The following PRKCE variants were observed in gnomAD, a reference collection of about 807,000 sequenced individuals.
The protein encoded by PRKCE is protein kinase C epsilon type.
PRKCE carries 16 observed loss-of-function variants against 85.4 expected under a neutral mutation model. The observed-to-expected ratio is 0.19, with a 90% CI of 0.13 to 0.28. The LOEUF is 0.28. Among genes scored for constraint, PRKCE ranks in the 10% least tolerant of loss-of-function variants. The pLI is 1.00. For missense variants in PRKCE, 573 were observed against 975.2 expected (o/e 0.59, Z 5.49); for synonymous variants, 388 against 371.5 (o/e 1.04, Z -0.51).
At chr2:45,750,908 G>A (rs571983782) in intron 1 of PRKCE, among the ~76,000 whole-genome samples, 2 of 152,286 alleles carry the variant, frequency 1.3e-5, no homozygotes, top group East Asian at 3.9e-4. Flanking sequence ...TACCCTTGCA[G>A]CCAGAATATT....
At chr2:45,989,166 C>T (rs1046031273) in intron 6 of PRKCE, among the ~76,000 whole-genome samples, 2 of 152,220 alleles carry the variant, frequency 1.3e-5, no homozygotes, top group African/African-American at 2.4e-5. Flanking sequence ...TTCTCATCCC[C>T]ATCTGGGGTG....
intron 11 of PRKCE, among the ~76,000 whole-genome samples, chr2:46,121,647 G>GTCAGGC (rs1673327310): frequency 6.6e-6 from 1 of 152,200 alleles, no homozygotes; most frequent in Non-Finnish European, 1.5e-5. Context: ...TGGGTTGATG[G>GTCAGGC]TCAGGCTCAC....
intron 2 of PRKCE, among the ~76,000 whole-genome samples, chr2:45,882,928 G>A (rs745350866): frequency 1.1e-4 from 16 of 152,242 alleles, no homozygotes; most frequent in African/African-American, 2.7e-4. Flanking sequence ...CCGCTGCTTC[G>A]GAAATGCAAA....
At chr2:45,688,140 A>G (rs894031877) in intron 1 of PRKCE, among the ~76,000 whole-genome samples, 1 of 152,228 alleles carries the variant, frequency 6.6e-6, no homozygotes, top group East Asian at 1.9e-4. Context: ...GACTCAGATA[A>G]TGATGCCACC....
chr2:45,740,506 C>G (rs915636938), intron 1 of PRKCE, among the ~76,000 whole-genome samples: 1 of 152,178 alleles, frequency 6.6e-6, no homozygotes, highest in Non-Finnish European at 1.5e-5. Flanking sequence ...TCCCCAACCA[C>G]CTGACACGTT....
At chr2:46,072,133 A>G (rs1483856469) in intron 10 of PRKCE, among the ~76,000 whole-genome samples, 2 of 152,246 alleles carry the variant, frequency 1.3e-5, no homozygotes, top group African/African-American at 2.4e-5. Flanking sequence ...AAAGAATTTA[A>G]TAATTTAAAA....
chr2:45,808,098 A>G (rs1486931256), intron 1 of PRKCE, among the ~76,000 whole-genome samples: 3 of 152,008 alleles, frequency 2.0e-5, no homozygotes, highest in African/African-American at 2.4e-5. Flanking sequence ...CTCTCTGACC[A>G]TCTGTAACCC....
chr2:45,960,464 G>T (rs533129111), intron 2 of PRKCE, among the ~76,000 whole-genome samples: 1 of 152,314 alleles, frequency 6.6e-6, no homozygotes, highest in Admixed American at 6.5e-5. Context: ...GGAGTGGTGT[G>T]GGGGGCAGAA....
chr2:45,756,124 A>T (rs1683983723), intron 1 of PRKCE, among the ~76,000 whole-genome samples: 1 of 152,206 alleles, frequency 6.6e-6, no homozygotes, highest in African/African-American at 2.4e-5. Context: ...AATTCTTAAA[A>T]CATGATGCTG....
chr2:45,831,676 A>C (rs1018189567), intron 1 of PRKCE, among the ~76,000 whole-genome samples: 1 of 152,202 alleles, frequency 6.6e-6, no homozygotes, highest in Non-Finnish European at 1.5e-5. Context: ...CTAAAATAAG[A>C]AATCAGGAAA....
At chr2:46,152,943 G>A (rs1676792138) in intron 13 of PRKCE, among the ~76,000 whole-genome samples, 1 of 152,072 alleles carries the variant, frequency 6.6e-6, no homozygotes, top group Admixed American at 6.5e-5. Context: ...CTCCACATCA[G>A]AACATGTTAC....
chr2:45,842,723 CT>C (rs997833437), intron 1 of PRKCE, among the ~76,000 whole-genome samples: 2 of 152,218 alleles, frequency 1.3e-5, no homozygotes, highest in African/African-American at 4.8e-5. Context: ...CACTCTCTCT[CT>C]CTCCAATCAT....
chr2:45,781,969 A>C (rs1031796193), intron 1 of PRKCE, among the ~76,000 whole-genome samples: 1 of 152,210 alleles, frequency 6.6e-6, no homozygotes, highest in African/African-American at 2.4e-5. Context: ...ATCCTTTCTC[A>C]GGACCAATAG....
intron 1 of PRKCE, among the ~76,000 whole-genome samples, chr2:45,668,265 T>C (rs1277449357): frequency 6.6e-6 from 1 of 152,160 alleles, no homozygotes; most frequent in Non-Finnish European, 1.5e-5. Context: ...CGCTTGAACC[T>C]GGGAGGTGGA....
At chr2:45,924,042 G>C (rs1177532866) in intron 2 of PRKCE, among the ~76,000 whole-genome samples, 4 of 152,112 alleles carry the variant, frequency 2.6e-5, no homozygotes, top group African/African-American at 9.7e-5. Flanking sequence ...TTGAGAGGTG[G>C]AGAGGAGAAA....
intron 1 of PRKCE, chr2:45,676,787 T>C (rs1676475047): frequency 6.6e-6 from 1 of 152,236 alleles, no homozygotes; most frequent in Non-Finnish European, 1.5e-5. Context: ...GTCTCCATTC[T>C]TTCCTCTTTT....
At chr2:45,910,048 C>G (rs572132283) in intron 2 of PRKCE, among the ~76,000 whole-genome samples, 2 of 151,934 alleles carry the variant, frequency 1.3e-5, no homozygotes, top group Non-Finnish European at 2.9e-5. Flanking sequence ...TCACCGCCCC[C>G]CCCCAGCCAA....
chr2:45,785,862 C>G (rs1686562407), intron 1 of PRKCE, among the ~76,000 whole-genome samples: 1 of 152,172 alleles, frequency 6.6e-6, no homozygotes, highest in Admixed American at 6.5e-5. Context: ...AAACTCGAAC[C>G]TCTGCCTCAC....
chr2:45,811,989 C>T (rs1481597833), intron 1 of PRKCE, among the ~76,000 whole-genome samples: 1 of 152,110 alleles, frequency 6.6e-6, no homozygotes, highest in Non-Finnish European at 1.5e-5. Flanking sequence ...GATTCCACCG[C>T]AGGGGAATAC....
Sources: gnomAD v4.1 joint callset for allele counts (sites outside exome capture counted in the v4.1 genomes callset) on GRCh38, gnomAD v4.1.1 for gene constraint, MANE v1.5 for transcripts, NCBI Gene and HGNC (gene_info 2026-07-23, HGNC 2026-07-21) for gene names.